Variants in SLC45A3 observed in about 807,000 individuals in gnomAD.
SLC45A3 encodes solute carrier family 45 member 3.
A neutral mutation model predicts 35.3 loss-of-function variants in SLC45A3; 17 were observed. The ratio of observed to expected loss-of-function variants is 0.48; its 90% CI spans 0.33 to 0.72. The LOEUF is 0.72. Ranked by LOEUF, SLC45A3 falls within the 30% of genes least tolerant of loss-of-function variation. The pLI, the probability that SLC45A3 is intolerant of heterozygous loss-of-function variation, is 0.02. For missense variants in SLC45A3, 597 were observed against 731.7 expected (o/e 0.82, Z 2.12); for synonymous variants, 288 against 334.3 (o/e 0.86, Z 1.51).
At chr1:205,660,589 T>C (rs1326163282) in intron 4 of SLC45A3, among the ~76,000 whole-genome samples, 1 of 152,036 alleles carries the variant, frequency 6.6e-6, no homozygotes, top group Admixed American at 6.6e-5. Context: ...CAGTGCCAAG[T>C]CTGCCATCAG....
In SLC45A3 at chr1:205,679,774, A is replaced by G. The variant is rs955106456; in HGVS notation, c.-231+620T>C. Among the ~76,000 whole-genome samples, 11 of 151,110 alleles carry G rather than the reference A, an allele frequency of 7.3e-5. 1 individual carries two copies. The highest frequency in any genetic ancestry group is 5.3e-4 in the Admixed American group (8 of 15,174). The stretch of plus-strand genomic sequence containing the variant: ...AGAGCTCGCCCCAGTTCTAAGTCCA[A>G]GAGGGCTCAGTCCCCTTTCCCTGTC... On this transcript the variant is annotated intron_variant, in intron 1 of 4. Coordinates refer to ENST00000367145, the MANE Select transcript of SLC45A3 (RefSeq NM_033102.3).
rs1671063326 is a variant in SLC45A3, at chr1:205,663,360, T to C, written c.431A>G (p.Glu144Gly). 1 of 1,613,164 alleles carries C rather than the reference T, an allele frequency of 6.2e-7. No individual in the cohort carries two copies. Among genetic ancestry groups the C allele is most frequent in the African/African-American group, 1.3e-5 (1 of 74,890 alleles). The change falls in exon 3 of 5, where the codon GAG becomes GGG. Residue 144 changes from glutamate (E) to glycine (G), a missense_variant. Glu to Gly is a moderately conservative substitution (Grantham distance 98). This residue lies in a region of SLC45A3 where 555 missense variants were observed against 664.9 expected (regional missense o/e 0.83). Transcript: ENST00000367145. The stretch of plus-strand genomic sequence containing the variant: ...CCGGAAGAGGTCAGAGAGCAGGGCC[T>C]CCAGTGGAGTGAAGCACACCTGGCC... ...FCGQVCFTPL[E>G]ALLSDLFRDP... is the part of the protein sequence containing the mutation.
At chr1:205,670,058 C>T (rs1274091987) in intron 1 of SLC45A3, among the ~76,000 whole-genome samples, 2 of 148,612 alleles carry the variant, frequency 1.3e-5, no homozygotes, top group Non-Finnish European at 3.0e-5. Flanking sequence ...GGGACCAATG[C>T]TGTCACCTTA....
chr1:205,660,335 G>T (rs1407585988), intron 4 of SLC45A3, among the ~76,000 whole-genome samples: 2 of 152,092 alleles, frequency 1.3e-5, no homozygotes, highest in African/African-American at 4.8e-5. Flanking sequence ...CTTCCTTCCT[G>T]CTGTCTGACT....
chr1:205,673,986 G>A (rs1000672476), intron 1 of SLC45A3, among the ~76,000 whole-genome samples: 3 of 152,032 alleles, frequency 2.0e-5, no homozygotes, highest in Admixed American at 6.6e-5. Context: ...AAGATGCTGG[G>A]GACACAGAAA....
chr1:205,663,737 C>T (rs1224695549), intron 2 of SLC45A3, 119 bp from the exon 3 acceptor site: 3 of 1,025,144 alleles, frequency 2.9e-6, no homozygotes, highest in African/African-American at 3.2e-5. Flanking sequence ...TGTGCTACGT[C>T]TTCACAGGGA....
At position 205,663,551 on chromosome 1, in the gene SLC45A3, T is replaced by C; in HGVS notation, c.240A>G (p.Gly80=). 1.9e-6 allele frequency: 3 copies of C among 1,612,528 alleles called. No homozygotes were observed. Among genetic ancestry groups the C allele is most frequent in the Non-Finnish European group, 2.5e-6 (3 of 1,179,916 alleles). Reference sequence around the variant, plus strand: ...TGAAGGGCCGGCGGCGGCCATAGCGTCCACGCCAGTGGTCACTGGCTGAGC... The same window carrying C: ...TGAAGGGCCGGCGGCGGCCATAGCGCCCACGCCAGTGGTCACTGGCTGAGC... ...LLGSASDHWR[G]RYGRRRPFIW... is the part of the protein sequence containing the mutation. The change falls in exon 3 of 5, where the codon GGA becomes GGG. Residue 80 remains glycine, a synonymous_variant. Coordinates refer to ENST00000367145, the MANE Select transcript of SLC45A3 (RefSeq NM_033102.3).
intron 1 of SLC45A3, among the ~76,000 whole-genome samples, chr1:205,677,331 G>A (rs959973883): frequency 1.3e-5 from 2 of 152,144 alleles, no homozygotes; most frequent in African/African-American, 2.4e-5. Context: ...AGTTATCTAC[G>A]GGCCGATTCC....
At position 205,658,160 on chromosome 1, in the gene SLC45A3, G is replaced by T. The variant is rs1329778926; in HGVS notation, c.*1074C>A. On this transcript the variant is annotated 3_prime_UTR_variant, in exon 5 of 5. Coordinates refer to ENST00000367145, the MANE Select transcript of SLC45A3 (RefSeq NM_033102.3). ...TGTGGAGCTGGTGGGGAAAGTTGGG[G>T]GTAGGGGAAAGTTGGGGGTAGGGGA... 4.4e-6 allele frequency: 1 copy of T among 227,372 alleles called. No homozygotes were observed. The highest frequency in any genetic ancestry group is 5.7e-5 in the Admixed American group (1 of 17,508). The allele number at this position is 227,372 out of a possible 1,614,324, so 14.1% of individuals were successfully genotyped here.
chr1:205,669,859 GACACACACCCC>G lies in SLC45A3; in HGVS notation c.-230-4984_-230-4974del, dbSNP rs1671180543. Among the ~76,000 whole-genome samples the G allele has an allele frequency of 6.6e-6, 1 of 152,184 alleles. No individual in the cohort carries two copies. Among genetic ancestry groups the G allele is most frequent in the South Asian group, 2.1e-4 (1 of 4,828 alleles). On this transcript the variant is annotated intron_variant, in intron 1 of 4. Transcript: ENST00000367145. The surrounding 1 kb of genome is among the most constrained non-coding windows in gnomAD (Gnocchi z 4.1). ...GGGGTCACCCTGGGCCAACCTCCCG[GACACACACCCC>G]ACCAAGGCTGCCCTGCCCCAGGTCA... is the stretch of plus-strand genomic sequence containing the variant.
At position 205,664,931 on chromosome 1, in the gene SLC45A3, G is replaced by T; in HGVS notation, c.-230-45C>A. 7.8e-7 allele frequency: 1 copy of T among 1,283,498 alleles called. No individual in the cohort carries two copies. The highest frequency in any genetic ancestry group is 9.9e-7 in the Non-Finnish European group (1 of 1,014,958). The allele number at this position is 1,283,498 out of a possible 1,614,324, so 79.5% of individuals were successfully genotyped here. A position where few individuals can be genotyped will look rare whatever the true frequency, so the allele number is the denominator to read the frequency against. The stretch of plus-strand genomic sequence containing the variant: ...ACAAGCACACGGGGTGTTAAGTCCT[G>T]GGAGCCAGGTCTCCACGATTTGCTC... On this transcript the variant is annotated intron_variant, in intron 1 of 4. Transcript: ENST00000367145. The surrounding 1 kb of genome is among the most constrained non-coding windows in gnomAD (Gnocchi z 5.3).
chr1:205,674,627 A>AG (rs1671280219), intron 1 of SLC45A3, among the ~76,000 whole-genome samples: 1 of 146,982 alleles, frequency 6.8e-6, no homozygotes, highest in Admixed American at 6.8e-5. Context: ...AAAAAAAAAA[A>AG]AGAGAAAAGC....
In SLC45A3 at chr1:205,658,990, G is replaced by A. The variant is rs1670968737; in HGVS notation, c.*244C>T. The A allele has an allele frequency of 1.9e-6, 1 of 533,154 alleles. No individual in the cohort carries two copies. Among genetic ancestry groups the A allele is most frequent in the South Asian group, 2.3e-5 (1 of 43,016 alleles). 33.0% of individuals were successfully genotyped at this position (533,154 alleles called of 1,614,324 possible). A position where few individuals can be genotyped will look rare whatever the true frequency, so the allele number is the denominator to read the frequency against. ...CTTCTGGCCTCCCTGTATAAGTCCA[G>A]ACTGAAACCCCCTTGGAAGGCCTCC... On this transcript the variant is annotated 3_prime_UTR_variant, in exon 5 of 5. Coordinates refer to ENST00000367145, the MANE Select transcript of SLC45A3 (RefSeq NM_033102.3).
rs1450392128 is a variant in SLC45A3, at chr1:205,659,672, C to T, written c.1225-1G>A. The T allele has an allele frequency of 6.6e-7, 1 of 1,523,022 alleles. No homozygotes were observed. The highest frequency in any genetic ancestry group is 8.8e-7 in the Non-Finnish European group (1 of 1,137,272). The allele number at this position is 1,523,022 out of a possible 1,614,324, so 94.3% of individuals were successfully genotyped here. On this transcript the variant is annotated splice_acceptor_variant, in intron 4 of 4. Transcript: ENST00000367145. LOFTEE classifies it high-confidence loss of function. The surrounding 1 kb of genome is among the most constrained non-coding windows in gnomAD (Gnocchi z 5.8). ...CCCCTCGGTATTTGGGCAGGAACAC[C>T]TAAGGCAGAGGGGTGAAGAAAAGGG...
At position 205,662,439 on chromosome 1, in the gene SLC45A3, G is replaced by A. The variant is rs2102403148; in HGVS notation, c.959-313C>T. 6.8e-6 allele frequency: 9 copies of A among 1,326,674 alleles called. No individual in the cohort carries two copies. Among genetic ancestry groups the A allele is most frequent in the East Asian group, 3.0e-5 (1 of 33,760 alleles). 82.2% of individuals were successfully genotyped at this position (1,326,674 alleles called of 1,614,324 possible). A position where few individuals can be genotyped will look rare whatever the true frequency, so the allele number is the denominator to read the frequency against. On this transcript the variant is annotated intron_variant, in intron 3 of 4. Coordinates refer to ENST00000367145, the MANE Select transcript of SLC45A3 (RefSeq NM_033102.3). The surrounding 1 kb of genome is among the most constrained non-coding windows in gnomAD (Gnocchi z 6.2). ...GACAGCTGGCCATAGGCTTCAAGAC[G>A]CTTCTAGGACGCCTGAGCTGGAAGG...
At position 205,669,894 on chromosome 1, in the gene SLC45A3, C is replaced by G. The variant is rs1671181128; in HGVS notation, c.-230-5008G>C. Among the ~76,000 whole-genome samples, 2 of 152,192 alleles carry G rather than the reference C, an allele frequency of 1.3e-5. No homozygotes were observed. The highest frequency in any genetic ancestry group is 2.9e-5 in the Non-Finnish European group (2 of 68,022). The stretch of plus-strand genomic sequence containing the variant: ...CCACCAAGGCTGCCCTGCCCCAGGT[C>G]AGTGAGATGGCAGAGAAGGGGCAAC... On this transcript the variant is annotated intron_variant, in intron 1 of 4. Coordinates refer to ENST00000367145, the MANE Select transcript of SLC45A3 (RefSeq NM_033102.3). The surrounding 1 kb of genome is among the most constrained non-coding windows in gnomAD (Gnocchi z 4.1).
chr1:205,672,867 G>A (rs550504876), intron 1 of SLC45A3, among the ~76,000 whole-genome samples: 15 of 152,186 alleles, frequency 9.9e-5, no homozygotes, highest in African/African-American at 3.1e-4. Flanking sequence ...CCCTACCCCC[G>A]GCAGTTGCTT....
Position 205,663,625 on chromosome 1 carries a change from G to A in SLC45A3, c.173-7C>T. On this transcript the variant is annotated splice_region_variant and splice_polypyrimidine_tract_variant and intron_variant, in intron 2 of 4. Coordinates refer to ENST00000367145, the MANE Select transcript of SLC45A3 (RefSeq NM_033102.3). ...CCCAGCACTGGACCAATGCCTGCAA[G>A]AAGGGAAGTAGTATGAGTCAATGGC... is the stretch of plus-strand genomic sequence containing the variant. The A allele has an allele frequency of 1.9e-6, 3 of 1,559,016 alleles. No individual in the cohort carries two copies. The highest frequency in any genetic ancestry group is 2.6e-6 in the Non-Finnish European group (3 of 1,156,524).
chr1:205,664,821 T>C lies in SLC45A3; in HGVS notation c.-165A>G. On this transcript the variant is annotated 5_prime_UTR_variant, in exon 2 of 5. It removes the in-frame stop codon of an upstream open reading frame in the 5' UTR. Transcript: ENST00000367145. The surrounding 1 kb of genome is among the most constrained non-coding windows in gnomAD (Gnocchi z 5.3). ...AGCCCTTTGGTGCCGGTCCAGCTTC[T>C]CAGCCCATGCTCAACACCTGCTGCT... is the stretch of plus-strand genomic sequence containing the variant. 1 of 1,432,652 alleles carries C rather than the reference T, an allele frequency of 7.0e-7. No homozygotes were observed. The highest frequency in any genetic ancestry group is 9.1e-7 in the Non-Finnish European group (1 of 1,098,080). The allele number at this position is 1,432,652 out of a possible 1,614,324, so 88.7% of individuals were successfully genotyped here.
Sources: gnomAD v4.1 joint callset for allele counts (sites outside exome capture counted in the v4.1 genomes callset) on GRCh38, gnomAD v4.1.1 for gene constraint, gnomAD v4.1.1 regional missense constraint, Gnocchi (gnomAD v3.1) non-coding constraint, MANE v1.5 for transcripts, NCBI Gene and HGNC (gene_info 2026-07-23, HGNC 2026-07-21) for gene names.